PTPRD: variants seen among roughly 807,000 people sequenced by gnomAD.
PTPRD encodes the protein receptor-type tyrosine-protein phosphatase delta.
In PTPRD, 34 loss-of-function variants were observed where a neutral mutation model predicts 214.5. The observed-to-expected ratio is 0.16, with a 90% CI of 0.12 to 0.21. The LOEUF (loss-of-function observed/expected upper bound fraction) is 0.21. Among genes scored for constraint, PTPRD ranks in the 10% least tolerant of loss-of-function variants. The probability of loss-of-function intolerance (pLI) is 1.00; values close to 1 mark genes in which losing one functional copy is unlikely to be tolerated. For synonymous variants in PTPRD, 1,128 were observed against 845.7 expected, an observed-to-expected ratio of 1.33 and a Z score of -5.79; for missense variants, 2,545 against 2,398.7, an observed-to-expected ratio of 1.06 and a Z score of -1.27.
chr9:10,088,315 C>A (rs2098382334), intron 3 of PTPRD, among the ~76,000 whole-genome samples: 1 of 151,654 alleles, frequency 6.6e-6, no homozygotes, highest in African/African-American at 2.4e-5. Flanking sequence ...TTGGAATTTC[C>A]AGCTGTGCTG....
chr9:9,692,618 TG>T (rs2097294297), intron 7 of PTPRD, among the ~76,000 whole-genome samples: 1 of 147,370 alleles, frequency 6.8e-6, no homozygotes, highest in Non-Finnish European at 1.5e-5. Flanking sequence ...GGATATTTTG[TG>T]ATTCTATATA....
intron 4 of PTPRD, among the ~76,000 whole-genome samples, chr9:10,018,538 CTTTTTTTTT>C (rs71321214): frequency 4.2e-5 from 3 of 71,122 alleles, no homozygotes; most frequent in African/African-American, 9.4e-5. Context: ...AATTACATTT[CTTTTTTTTT>C]TTTTTTTTTT....
At chr9:8,404,450 G>A (rs2092766163) in intron 36 of PTPRD, 87 bp downstream of exon 36, 3 of 1,484,744 alleles carry the variant, frequency 2.0e-6, no homozygotes, top group South Asian at 2.8e-5. Context: ...TTTCAGAGAT[G>A]GTTAATAACC....
intron 2 of PTPRD, among the ~76,000 whole-genome samples, chr9:10,595,712 T>C (rs1373839782): frequency 6.6e-6 from 1 of 151,646 alleles, no homozygotes; most frequent in Non-Finnish European, 1.5e-5. Context: ...GCATTAGCTG[T>C]TTTCCAAAGC....
At chr9:8,923,866 G>T (rs1282341771) in intron 11 of PTPRD, among the ~76,000 whole-genome samples, 3 of 152,252 alleles carry the variant, frequency 2.0e-5, no homozygotes, top group Middle Eastern at 3.4e-3. Context: ...GTGATTTTAA[G>T]CTCTGCCTTT....
chr9:9,827,242 C>A (rs968511148), intron 5 of PTPRD, among the ~76,000 whole-genome samples: 3 of 151,998 alleles, frequency 2.0e-5, no homozygotes, highest in African/African-American at 7.2e-5. Context: ...CATCACACTA[C>A]CTGACCTCAA....
At chr9:9,194,030 C>G (rs555957252) in intron 9 of PTPRD, among the ~76,000 whole-genome samples, 3 of 152,184 alleles carry the variant, frequency 2.0e-5, no homozygotes, top group East Asian at 1.9e-4. Context: ...ATCTTACGAG[C>G]TTTTCTGTAT....
chr9:8,689,126 C>G (rs2097754192), intron 12 of PTPRD, among the ~76,000 whole-genome samples: 1 of 152,308 alleles, frequency 6.6e-6, no homozygotes, highest in African/African-American at 2.4e-5. Context: ...ACTAAAGTGA[C>G]TCTGAGAATC....
intron 5 of PTPRD, among the ~76,000 whole-genome samples, chr9:9,824,053 ATGCAC>A (rs1451670347): frequency 6.6e-6 from 1 of 152,042 alleles, no homozygotes; most frequent in Non-Finnish European, 1.5e-5. Context: ...TCTTAGTTTC[ATGCAC>A]AAAATTATTA....
rs192807530 is a variant in PTPRD at position 9,535,348 on chromosome 9, C to T, written c.-237+39384G>A. 8.5e-5 allele frequency among the ~76,000 whole-genome samples: 13 copies of T among 152,196 alleles called. No individual in the cohort carries two copies. The East Asian group carries it at 2.5e-3, about 30-fold the overall frequency. On this transcript the variant is annotated intron_variant, in intron 8 of 45. Transcript: ENST00000381196. ...TTTTAAACGATCCAAAAGTGTTAAA[C>T]TTGATCAAGTGCTCTGAAAAGACAG...
At chr9:9,877,335 A>T (rs560471202) in intron 5 of PTPRD, among the ~76,000 whole-genome samples, 1 of 152,136 alleles carries the variant, frequency 6.6e-6, no homozygotes, top group Non-Finnish European at 1.5e-5. Flanking sequence ...CCACAGTCCA[A>T]TGTCATGGGG....
chr9:8,586,350 A>C (rs1163704343), intron 14 of PTPRD, among the ~76,000 whole-genome samples: 1 of 152,098 alleles, frequency 6.6e-6, no homozygotes, highest in Non-Finnish European at 1.5e-5. Flanking sequence ...AGACTCTATA[A>C]CCAGCATTGA....
intron 7 of PTPRD, among the ~76,000 whole-genome samples, chr9:9,670,893 G>A (rs754215285): frequency 6.6e-6 from 1 of 152,186 alleles, no homozygotes; most frequent in Non-Finnish European, 1.5e-5. Flanking sequence ...ACTCTGTTAG[G>A]GCTGTGAGGA....
intron 9 of PTPRD, among the ~76,000 whole-genome samples, chr9:9,350,519 G>C (rs2050702108): frequency 1.3e-5 from 2 of 151,988 alleles, no homozygotes; most frequent in African/African-American, 4.8e-5. Flanking sequence ...ATCCCCTTTT[G>C]TGTCAACAAT....
intron 10 of PTPRD, among the ~76,000 whole-genome samples, chr9:9,021,179 A>T (rs140746894): frequency 1.3e-5 from 2 of 152,286 alleles, no homozygotes; most frequent in Admixed American, 6.5e-5. Flanking sequence ...ACACCTTAAA[A>T]ATCAAATTAG....
intron 8 of PTPRD, among the ~76,000 whole-genome samples, chr9:9,496,452 C>T (rs1005727065): frequency 1.3e-5 from 2 of 151,970 alleles, no homozygotes; most frequent in African/African-American, 2.4e-5. Flanking sequence ...CACAAATGTC[C>T]AATAAGCACA....
chr9:9,403,514 T>C (rs533660661), intron 8 of PTPRD, among the ~76,000 whole-genome samples: 18 of 151,844 alleles, frequency 1.2e-4, no homozygotes, highest in African/African-American at 4.3e-4. Flanking sequence ...CACACCTCCA[T>C]GCACTTCTAT....
At chr9:8,898,209 A>G (rs2098636073) in intron 11 of PTPRD, among the ~76,000 whole-genome samples, 2 of 152,112 alleles carry the variant, frequency 1.3e-5, no homozygotes, top group South Asian at 4.2e-4. Context: ...TCTCTTTTAT[A>G]TAAGGATGTG....
At chr9:8,650,460 G>A (rs2096784636) in intron 12 of PTPRD, among the ~76,000 whole-genome samples, 1 of 150,896 alleles carries the variant, frequency 6.6e-6, no homozygotes, top group East Asian at 2.0e-4. Context: ...GGGAGGCAGA[G>A]GTTGCGGTGA....
Sources: allele counts gnomAD v4.1 joint callset (sites outside exome capture counted in the v4.1 genomes callset), GRCh38; gene constraint gnomAD v4.1.1; transcripts MANE v1.5; gene names NCBI Gene and HGNC (gene_info 2026-07-23, HGNC 2026-07-21).